The following NBR1 variants were observed in gnomAD, a reference collection of about 807,000 sequenced individuals.
NBR1 encodes the protein NBR1 autophagy cargo receptor, also known as next to BRCA1 gene 1 protein.
A neutral mutation model predicts 115.5 loss-of-function variants in NBR1; 59 were observed. The ratio of observed to expected loss-of-function variants is 0.51; its 90% CI spans 0.41 to 0.63. The LOEUF is 0.63. NBR1 is among the 30% of genes least tolerant of loss of function. The probability of loss-of-function intolerance (pLI) is 0.00; values close to 1 mark genes in which losing one functional copy is unlikely to be tolerated. For synonymous variants in NBR1, 373 were observed against 414.7 expected, an observed-to-expected ratio of 0.90 and a Z score of 1.22; for missense variants, 1,043 against 1,150.5, an observed-to-expected ratio of 0.91 and a Z score of 1.35.
At position 43,190,632 on chromosome 17, in the gene NBR1, G is replaced by C; in HGVS notation, c.719G>C (p.Cys240Ser). 1 of 1,596,876 alleles carries C rather than the reference G, an allele frequency of 6.3e-7. No homozygotes were observed. The highest frequency in any genetic ancestry group is 8.5e-7 in the Non-Finnish European group (1 of 1,171,602). The change falls in exon 9 of 21, where the codon TGT becomes TCT. Residue 240 changes from cysteine (C) to serine (S), a missense_variant. Coordinates refer to ENST00000590996, the MANE Select transcript of NBR1 (RefSeq NM_005899.5). ...AGCCTATGCCCATCCTACAATATCT[G>C]TGAAGATTGTGAAGCAGGGCCATAT... ...QCSLCPSYNI[C>S]EDCEAGPYGH...
rs772363248 is a variant in NBR1 at position 43,201,770 on chromosome 17, G to T, written c.2553G>T (p.Gln851His). The T allele has an allele frequency of 3.8e-6, 6 of 1,575,818 alleles. No individual in the cohort carries two copies. In the East Asian group the frequency reaches 1.3e-4, roughly 35 times the overall value. The stretch of plus-strand genomic sequence containing the variant: ...CAGAAGTTTCTTCAGTCCCTGATCA[G>T]ATCAGAGGAGGTAATGATCAGCCTA... Reference protein sequence around the residue: ...TIPEVSSVPDQIRGEPRGSSG... With the variant: ...TIPEVSSVPDHIRGEPRGSSG... Residue 851 changes from glutamine to histidine, a missense_variant, in exon 18 of 21, where the codon CAG (glutamine) becomes CAT (histidine). Physicochemically the swap from Gln to His is conservative, Grantham distance 24. Transcript: ENST00000590996.
chr17:43,174,360 G>A (rs561384715), intron 1 of NBR1, among the ~76,000 whole-genome samples: 1 of 152,308 alleles, frequency 6.6e-6, no homozygotes, highest in South Asian at 2.1e-4. Context: ...ACTTTGGGAG[G>A]CCGAGGTGGG....
chr17:43,192,644 C>T (rs547798388), intron 10 of NBR1, among the ~76,000 whole-genome samples: 15 of 152,224 alleles, frequency 9.9e-5, no homozygotes, highest in Non-Finnish European at 1.8e-4. Context: ...GCTGGGATGA[C>T]AGGCGTGAGC....
rs774894178 is a variant in NBR1, at chr17:43,186,294, A to G, written c.252A>G (p.Glu84=). The stretch of plus-strand genomic sequence containing the variant: ...ACCAACTGCAGATGCAAGTCCACGA[A>G]GGGCACCATGTCGTTGATGAAGCCC... ...QGNQLQMQVH[E]GHHVVDEAPP... The change falls in exon 6 of 21, where the codon GAA becomes GAG. Residue 84 remains glutamate, a synonymous_variant. Coordinates refer to ENST00000590996, the MANE Select transcript of NBR1 (RefSeq NM_005899.5). 63 of 1,587,758 alleles carry G rather than the reference A, an allele frequency of 4.0e-5. No homozygotes were observed. The African/African-American group carries it at 8.2e-4, about 21-fold the overall frequency.
At chr17:43,186,072 A>G (rs1031657233) in intron 5 of NBR1, among the ~76,000 whole-genome samples, 178 bp from the exon 6 acceptor site, 5 of 152,234 alleles carry the variant, frequency 3.3e-5, no homozygotes, top group African/African-American at 1.2e-4. Context: ...CATTCTTACC[A>G]AAGAAATAGC....
chr17:43,178,346 C>G (rs1386461033), intron 3 of NBR1, among the ~76,000 whole-genome samples: 1 of 151,136 alleles, frequency 6.6e-6, no homozygotes, highest in Non-Finnish European at 1.5e-5. Flanking sequence ...CCCACCATGC[C>G]TGGCCTGGCC....
rs1597966405 is a variant in NBR1, at chr17:43,178,162, G to A, written c.165+164G>A. 12 of 793,236 alleles carry A rather than the reference G, an allele frequency of 1.5e-5. No individual in the cohort carries two copies. The East Asian group carries it at 4.2e-4, about 28-fold the overall frequency. The allele number at this position is 793,236 out of a possible 1,614,324, so 49.1% of individuals were successfully genotyped here. On this transcript the variant is annotated intron_variant, in intron 3 of 20. Coordinates refer to ENST00000590996, the MANE Select transcript of NBR1 (RefSeq NM_005899.5). ...TAAGAAGACTTGCAGCATCTGAGAT[G>A]GAGTTGAGAAATGGAGAAGCAACAC...
At chr17:43,181,215 T>C (rs2056655645) in intron 5 of NBR1, among the ~76,000 whole-genome samples, 1 of 152,118 alleles carries the variant, frequency 6.6e-6, no homozygotes, top group Admixed American at 6.6e-5. Context: ...TTCCATTAGT[T>C]ATGGGGAGAG....
chr17:43,192,624 C>T (rs564118330), intron 10 of NBR1, among the ~76,000 whole-genome samples: 1 of 152,300 alleles, frequency 6.6e-6, no homozygotes, highest in Admixed American at 6.5e-5. Flanking sequence ...CTGCCTTGGC[C>T]TCCCAAAGTG....
Position 43,186,695 on chromosome 17 carries a change from G to A in NBR1, c.402+251G>A, listed in dbSNP as rs139417136. Reference sequence around the variant, plus strand: ...TCACCCCACCCCCTGACAGGCCCCCGTGTGTGATGTACCCCTCCCTGTGTC... The same window carrying A: ...TCACCCCACCCCCTGACAGGCCCCCATGTGTGATGTACCCCTCCCTGTGTC... On this transcript the variant is annotated intron_variant, in intron 6 of 20. Coordinates refer to ENST00000590996, the MANE Select transcript of NBR1 (RefSeq NM_005899.5). Among the ~76,000 whole-genome samples, 1,429 of 148,316 alleles carry A rather than the reference G, an allele frequency of 9.6e-3. 17 individuals are homozygous for A. The highest frequency in any genetic ancestry group is 0.041 in the Middle Eastern group (12 of 292).
intron 9 of NBR1, 60 bp from the exon 10 acceptor site, chr17:43,191,312 C>A: frequency 7.8e-7 from 1 of 1,286,428 alleles, no homozygotes; most frequent in East Asian, 2.4e-5. Flanking sequence ...CAATTGGCTC[C>A]ACATAGCTTC....
intron 13 of NBR1, 182 bp downstream of exon 13, chr17:43,194,681 G>T: frequency 2.8e-6 from 2 of 725,152 alleles, no homozygotes; most frequent in Non-Finnish European, 4.6e-6. Context: ...TTTCCTCTTT[G>T]AATTGGGAAC....
chr17:43,202,348 C>T (rs1044975656), intron 18 of NBR1, among the ~76,000 whole-genome samples: 2 of 152,102 alleles, frequency 1.3e-5, no homozygotes, highest in African/African-American at 4.8e-5. Context: ...CCTTTCCTGA[C>T]TAGCAGTTCA....
chr17:43,180,772 G>T, intron 4 of NBR1, 23 bp from the exon 5 acceptor site: 1 of 1,456,286 alleles, frequency 6.9e-7, no homozygotes, highest in Non-Finnish European at 9.1e-7. Flanking sequence ...AAGTATCATG[G>T]TGTATATTTT....
At chr17:43,187,069 G>GTTCTAGA (rs2154582118) in intron 6 of NBR1, among the ~76,000 whole-genome samples, 1 of 152,216 alleles carries the variant, frequency 6.6e-6, no homozygotes, top group Non-Finnish European at 1.5e-5. Flanking sequence ...GGTATTTCTG[G>GTTCTAGA]TTCTAGATCC....
At chr17:43,188,932 T>G (rs537886390) in intron 6 of NBR1, 110 bp from the exon 7 acceptor site, 1 of 767,400 alleles carries the variant, frequency 1.3e-6, no homozygotes, top group Non-Finnish European at 2.2e-6. Flanking sequence ...TTTTAAAAAA[T>G]TATATACTTG....
rs772843653 is a variant in NBR1, at chr17:43,200,517, C to A, written c.2377C>A (p.His793Asn). The A allele has an allele frequency of 1.2e-5, 20 of 1,613,892 alleles. No individual in the cohort carries two copies. The highest frequency in any genetic ancestry group is 1.5e-5 in the Non-Finnish European group (18 of 1,179,904). Residue 793 changes from histidine to asparagine, a missense_variant, in exon 17 of 21, where the codon CAC (histidine) becomes AAC (asparagine). His to Asn is a moderately conservative substitution (Grantham distance 68, BLOSUM62 1). Coordinates refer to ENST00000590996, the MANE Select transcript of NBR1 (RefSeq NM_005899.5). ...LPGGENQPQE[H>N]SISDILTTSQ... ...TGGAGGGGAGAACCAGCCACAGGAGCACAGCATAAGTGACATCCTCACGAC... is the reference window on the plus strand; with the variant it reads ...TGGAGGGGAGAACCAGCCACAGGAGAACAGCATAAGTGACATCCTCACGAC...
intron 1 of NBR1, among the ~76,000 whole-genome samples, chr17:43,172,196 G>T (rs1452168819): frequency 6.6e-6 from 1 of 152,178 alleles, no homozygotes. Context: ...TAGACCTAAG[G>T]GGCAGATAGG....
chr17:43,179,401 T>C lies in NBR1; in HGVS notation c.173T>C (p.Ile58Thr), dbSNP rs1322258006. The change falls in exon 4 of 21, where the codon ATC (isoleucine) becomes ACC (threonine). Residue 58 changes from isoleucine (I) to threonine (T), a missense_variant. Coordinates refer to ENST00000590996, the MANE Select transcript of NBR1 (RefSeq NM_005899.5). ...YLDEENEEVS[I>T]NSQGEYEEAL... ...CTTTTTTTCCTTTTATAGGTATCCATCAACAGTCAAGGTGAGTCCCTAAGA... is the reference window on the plus strand; with the variant it reads ...CTTTTTTTCCTTTTATAGGTATCCACCAACAGTCAAGGTGAGTCCCTAAGA... 1 of 1,612,988 alleles carries C rather than the reference T, an allele frequency of 6.2e-7. No individual in the cohort carries two copies. The highest frequency in any genetic ancestry group is 1.3e-5 in the African/African-American group (1 of 75,012).
Sources: allele counts gnomAD v4.1 joint callset (sites outside exome capture counted in the v4.1 genomes callset), GRCh38; gene constraint gnomAD v4.1.1; transcripts MANE v1.5; gene names NCBI Gene and HGNC (gene_info 2026-07-23, HGNC 2026-07-21).